Variants in DNAAF9 observed in about 807,000 individuals in gnomAD.
DNAAF9 encodes shulin.
A neutral mutation model predicts 167.0 loss-of-function variants in DNAAF9; 90 were observed. The observed-to-expected ratio is 0.54, with a 90% CI of 0.45 to 0.64. DNAAF9 has a LOEUF of 0.64. Ranked by LOEUF, DNAAF9 falls within the 30% of genes least tolerant of loss-of-function variation. The pLI is 0.00. For synonymous variants in DNAAF9, 491 were observed against 508.8 expected, an observed-to-expected ratio of 0.96 and a Z score of 0.47; for missense variants, 1,315 against 1,442.2, an observed-to-expected ratio of 0.91 and a Z score of 1.43.
Position 3,315,620 on chromosome 20 carries a change from A to G in DNAAF9, c.1590+115T>C, listed in dbSNP as rs1292837796. On this transcript the variant is annotated intron_variant, in intron 19 of 36. Coordinates refer to ENST00000252032, the MANE Select transcript of DNAAF9 (RefSeq NM_001009984.3). The surrounding 1 kb of genome is among the most constrained non-coding windows in gnomAD (Gnocchi z 4.1). ...AGGAATGCAAATAGGAAGTGAAGAC[A>G]ACATAGTGCAAGTCTTTTAGATTAG... The G allele has an allele frequency of 2.4e-6, 2 of 832,448 alleles. No homozygotes were observed. The highest frequency in any genetic ancestry group is 1.4e-5 in the South Asian group (1 of 71,006). The allele number at this position is 832,448 out of a possible 1,614,324, so 51.6% of individuals were successfully genotyped here.
At chr20:3,343,940 A>G (rs1013530988) in intron 8 of DNAAF9, among the ~76,000 whole-genome samples, 1 of 152,154 alleles carries the variant, frequency 6.6e-6, no homozygotes, top group African/African-American at 2.4e-5. Flanking sequence ...GAACATGGAA[A>G]GATGTGTACG....
At chr20:3,326,442 C>T (rs1568606158) in intron 12 of DNAAF9, among the ~76,000 whole-genome samples, 158 bp from the exon 13 acceptor site, 1 of 152,106 alleles carries the variant, frequency 6.6e-6, no homozygotes, top group Non-Finnish European at 1.5e-5. Context: ...TTAAAAGTCA[C>T]ATGCCTGGGC....
chr20:3,304,637 C>T (rs2069256856), intron 20 of DNAAF9, 94 bp from the exon 21 acceptor site: 3 of 684,780 alleles, frequency 4.4e-6, no homozygotes, highest in Non-Finnish European at 7.9e-6. Context: ...TAACTAGAGG[C>T]CAGTATCAGT....
At chr20:3,365,373 T>TTTTA (rs145072503) in intron 6 of DNAAF9, among the ~76,000 whole-genome samples, 11,260 of 149,602 alleles carry the variant, frequency 0.075, 738 homozygotes, top group East Asian at 0.18. Context: ...TTTGATAACA[T>TTTTA]TTTATTTATT....
intron 10 of DNAAF9, 52 bp from the exon 11 acceptor site, chr20:3,332,413 A>G: frequency 2.2e-6 from 2 of 904,402 alleles, no homozygotes; most frequent in Non-Finnish European, 3.6e-6. Flanking sequence ...TTAGGCATGT[A>G]CTAGTAGATA....
At chr20:3,334,321 T>A (rs949290961) in intron 10 of DNAAF9, among the ~76,000 whole-genome samples, 8 of 152,178 alleles carry the variant, frequency 5.3e-5, no homozygotes, top group African/African-American at 1.7e-4. Flanking sequence ...TTCACACACA[T>A]CCAATCTGAC....
intron 1 of DNAAF9, among the ~76,000 whole-genome samples, chr20:3,388,412 G>T (rs1281847933): frequency 6.6e-6 from 1 of 152,120 alleles, no homozygotes; most frequent in African/African-American, 2.4e-5. Flanking sequence ...AAATTCCAAA[G>T]AACTGAAAGC....
rs77813642 is a variant in DNAAF9, at chr20:3,339,908, C to G, written c.981+596G>C. ...CTGTCTCAAAAAATAAACAAACAAA[C>G]AAAAAAACTAGTACCTACTAACCAC... On this transcript the variant is annotated intron_variant, in intron 10 of 36. Coordinates refer to ENST00000252032, the MANE Select transcript of DNAAF9 (RefSeq NM_001009984.3). Among the ~76,000 whole-genome samples the G allele has an allele frequency of 8.9e-3, 1,360 of 152,196 alleles. 19 individuals carry two copies. Among genetic ancestry groups the G allele is most frequent in the African/African-American group, 0.031 (1,306 of 41,538 alleles).
rs982159412 is a variant in DNAAF9, at chr20:3,275,695, A to G, written c.2650+3217T>C. ...ATCTGGAGCACAGGGTGAACAGGCC[A>G]TAGTGAGCGGTTCCACCTTGTTTGG... On this transcript the variant is annotated intron_variant, in intron 29 of 36. Coordinates refer to ENST00000252032, the MANE Select transcript of DNAAF9 (RefSeq NM_001009984.3). Among the ~76,000 whole-genome samples, 3 of 152,240 alleles carry G rather than the reference A, an allele frequency of 2.0e-5. No homozygotes were observed. In the South Asian group the frequency reaches 6.2e-4, roughly 31 times the overall value.
At chr20:3,287,928 G>C in intron 26 of DNAAF9, 138 bp from the exon 27 acceptor site, 1 of 773,290 alleles carries the variant, frequency 1.3e-6, no homozygotes. Flanking sequence ...AGCCATCTTG[G>C]CCTCACAGAA....
chr20:3,268,154 G>A (rs1427147084), intron 30 of DNAAF9, among the ~76,000 whole-genome samples: 2 of 151,474 alleles, frequency 1.3e-5, no homozygotes, highest in African/African-American at 2.4e-5. Context: ...TCAGCCTCCT[G>A]AGTAGCTGGG....
At chr20:3,376,072 T>C (rs998099284) in intron 4 of DNAAF9, 106 bp downstream of exon 4, 2 of 1,017,770 alleles carry the variant, frequency 2.0e-6, no homozygotes, top group Middle Eastern at 4.3e-4. Context: ...CTTTTTTATA[T>C]AGTCACACTC....
chr20:3,386,872 A>AT (rs1480433383), intron 1 of DNAAF9, among the ~76,000 whole-genome samples: 1 of 152,224 alleles, frequency 6.6e-6, no homozygotes, highest in African/African-American at 2.4e-5. Context: ...GTTCGACATC[A>AT]TTATCCATTA....
intron 20 of DNAAF9, among the ~76,000 whole-genome samples, chr20:3,314,543 G>A (rs1437809489): frequency 6.6e-6 from 1 of 152,134 alleles, no homozygotes; most frequent in African/African-American, 2.4e-5. Context: ...CTGAGATTGG[G>A]AGAAGATTCT....
intron 7 of DNAAF9, among the ~76,000 whole-genome samples, chr20:3,351,412 AG>A (rs1347521550): frequency 6.6e-6 from 1 of 151,948 alleles, no homozygotes; most frequent in African/African-American, 2.4e-5. Flanking sequence ...TGAACCTAGG[AG>A]GTGGAGGCTG....
intron 1 of DNAAF9, among the ~76,000 whole-genome samples, chr20:3,388,357 A>G (rs926396205): frequency 2.0e-5 from 3 of 152,218 alleles, no homozygotes; most frequent in Admixed American, 6.5e-5. Context: ...TTAAAAAATT[A>G]AAAATAGAAT....
At chr20:3,281,562 A>T in intron 28 of DNAAF9, 79 bp downstream of exon 28, 1 of 1,376,790 alleles carries the variant, frequency 7.3e-7, no homozygotes, top group Middle Eastern at 1.9e-4. Context: ...TGACTAATGC[A>T]TTCCAAAAGA....
intron 10 of DNAAF9, among the ~76,000 whole-genome samples, chr20:3,334,445 C>A (rs2069899174): frequency 6.6e-6 from 1 of 152,178 alleles, no homozygotes; most frequent in African/African-American, 2.4e-5. Flanking sequence ...TCTTTTTATC[C>A]CTAAATAGCA....
intron 1 of DNAAF9, among the ~76,000 whole-genome samples, chr20:3,391,276 T>C (rs925494788): frequency 1.3e-5 from 2 of 152,102 alleles, no homozygotes; most frequent in Admixed American, 6.5e-5. Context: ...TATTCATCAA[T>C]GAACCATGAA....
Sources: gnomAD v4.1 joint callset for allele counts (sites outside exome capture counted in the v4.1 genomes callset) on GRCh38, gnomAD v4.1.1 for gene constraint, Gnocchi (gnomAD v3.1) non-coding constraint, MANE v1.5 for transcripts, NCBI Gene and HGNC (gene_info 2026-07-23, HGNC 2026-07-21) for gene names.